Variants in ZNF14 observed in about 807,000 individuals in gnomAD.
ZNF14 encodes zinc finger protein 14.
ZNF14 carries 9 observed loss-of-function variants against 11.3 expected under a neutral mutation model. That is an observed-to-expected ratio of 0.80 (90% CI 0.48 to 1.39). The LOEUF (loss-of-function observed/expected upper bound fraction) is 1.39, where lower values mean the gene tolerates loss of function less well. ZNF14 is among the 40% of genes most tolerant of loss of function. ZNF14 has a pLI of 0.00. For synonymous variants in ZNF14, 239 were observed against 245.7 expected, an observed-to-expected ratio of 0.97 and a Z score of 0.25; for missense variants, 711 against 763.9, an observed-to-expected ratio of 0.93 and a Z score of 0.82.
chr19:19,726,698 G>A (rs1332397028), intron 1 of ZNF14, among the ~76,000 whole-genome samples: 1 of 133,838 alleles, frequency 7.5e-6, no homozygotes, highest in Admixed American at 7.3e-5. Context: ...AGTCTACAGA[G>A]GCAGGCAGGC....
intron 1 of ZNF14, among the ~76,000 whole-genome samples, chr19:19,728,493 G>A (rs55954125): frequency 0.31 from 28,401 of 92,828 alleles, 7,889 homozygotes; most frequent in Non-Finnish European, 0.4. Context: ...TCCAGACTGT[G>A]CGAAAGTGCG....
chr19:19,731,282 T>A (rs2062422406), intron 1 of ZNF14, among the ~76,000 whole-genome samples: 1 of 151,734 alleles, frequency 6.6e-6, no homozygotes, highest in Non-Finnish European at 1.5e-5. Flanking sequence ...ATCAAAAGAA[T>A]ACCCACAATC....
chr19:19,725,198 T>C (rs1039029120), intron 1 of ZNF14, among the ~76,000 whole-genome samples: 1 of 134,034 alleles, frequency 7.5e-6, no homozygotes, highest in Admixed American at 7.3e-5. Flanking sequence ...ATTTGGCATG[T>C]TTTTGCAGTG....
intron 1 of ZNF14, among the ~76,000 whole-genome samples, chr19:19,714,757 G>GT (rs2062373491): frequency 1.5e-5 from 2 of 130,362 alleles, no homozygotes; most frequent in South Asian, 4.9e-4. Flanking sequence ...TATTGCCCAG[G>GT]CTGGAGTTCA....
chr19:19,728,303 G>A (rs2062411848), intron 1 of ZNF14, among the ~76,000 whole-genome samples: 1 of 128,176 alleles, frequency 7.8e-6, no homozygotes, highest in East Asian at 2.2e-4. Flanking sequence ...GGATCACAAG[G>A]TCAGGAGTTC....
Position 19,730,190 on chromosome 19 carries a change from AT to A in ZNF14, c.3+2765del, listed in dbSNP as rs919409173. Among the ~76,000 whole-genome samples, 298 of 151,162 alleles carry A rather than the reference AT, an allele frequency of 2.0e-3. 4 individuals are homozygous for A. Among genetic ancestry groups the A allele is most frequent in the Non-Finnish European group, 1.7e-3 (115 of 67,696 alleles). Reference sequence around the variant, plus strand: ...AGGTGTGTGCCACCAGGCTCGGCTAATTTTTTTTTGTATTTTTAGTAGAGAT... The same window carrying A: ...AGGTGTGTGCCACCAGGCTCGGCTAATTTTTTTTGTATTTTTAGTAGAGAT... On this transcript the variant is annotated intron_variant, in intron 1 of 3. Transcript: ENST00000344099.
chr19:19,716,531 T>A (rs1315210820), intron 1 of ZNF14, among the ~76,000 whole-genome samples: 1 of 152,072 alleles, frequency 6.6e-6, no homozygotes, highest in Non-Finnish European at 1.5e-5. Context: ...TCAAGCGATC[T>A]GCCTGCCTCC....
intron 1 of ZNF14, among the ~76,000 whole-genome samples, chr19:19,716,617 CA>C (rs1181965265): frequency 1.3e-5 from 2 of 152,038 alleles, no homozygotes; most frequent in African/African-American, 4.8e-5. Flanking sequence ...TATCATCCAT[CA>C]AACATCACAA....
chr19:19,727,024 T>C lies in ZNF14; in HGVS notation c.3+5932A>G, dbSNP rs185123851. Among the ~76,000 whole-genome samples, 195 of 134,060 alleles carry C rather than the reference T, an allele frequency of 1.5e-3. 41 individuals are homozygous for C. Among genetic ancestry groups the C allele is most frequent in the Admixed American group, 3.5e-3 (48 of 13,688 alleles). The allele number at this position is 134,060 out of a possible 152,430, so 87.9% of individuals were successfully genotyped here. Reference sequence around the variant, plus strand: ...CTAGGAAAGGGAATTCCCCGACCCCTTGCACTTCCCAAGTGAGGCAATGCC... The same window carrying C: ...CTAGGAAAGGGAATTCCCCGACCCCCTGCACTTCCCAAGTGAGGCAATGCC... On this transcript the variant is annotated intron_variant, in intron 1 of 3. Coordinates refer to ENST00000344099, the MANE Select transcript of ZNF14 (RefSeq NM_021030.3).
intron 1 of ZNF14, among the ~76,000 whole-genome samples, chr19:19,728,689 C>T (rs2062413734): frequency 7.6e-6 from 1 of 131,664 alleles, no homozygotes; most frequent in African/African-American, 2.8e-5. Context: ...GGTACAACAC[C>T]AGACACAGCT....
At position 19,711,608 on chromosome 19, in the gene ZNF14, G is replaced by T; in HGVS notation, c.1673C>A (p.Pro558Gln). The change falls in exon 4 of 4, where the codon CCG becomes CAG. Residue 558 changes from proline to glutamine, a missense_variant. By Grantham distance (76) the Pro-to-Gln change is moderately conservative (BLOSUM62 -1). Coordinates refer to ENST00000344099, the MANE Select transcript of ZNF14 (RefSeq NM_021030.3). The stretch of plus-strand genomic sequence containing the variant: ...TTTTCCACATTGTTTACATTGATAC[G>T]GTTTCTCTCCAGTGTGAGTCCTTTC... ...LHERTHTGEKPYQCKQCGKAF... is the reference protein window; with the variant it reads ...LHERTHTGEKQYQCKQCGKAF... 1 of 1,614,040 alleles carries T rather than the reference G, an allele frequency of 6.2e-7. No individual in the cohort carries two copies. The highest frequency in any genetic ancestry group is 8.5e-7 in the Non-Finnish European group (1 of 1,179,988).
chr19:19,728,515 C>CAAAAAAA (rs56355771), intron 1 of ZNF14, among the ~76,000 whole-genome samples: 2 of 53,870 alleles, frequency 3.7e-5, no homozygotes, highest in African/African-American at 7.3e-5. Context: ...AACTCCGTCT[C>CAAAAAAA]AAAAAAAAAA....
chr19:19,725,679 C>T (rs908926565), intron 1 of ZNF14, among the ~76,000 whole-genome samples: 1 of 134,532 alleles, frequency 7.4e-6, no homozygotes, highest in Admixed American at 7.3e-5. Flanking sequence ...TGTTTTCCAA[C>T]TTGGTTCCAT....
At chr19:19,713,158 A>T (rs946793450) in intron 3 of ZNF14, 69 bp from the exon 4 acceptor site, 7 of 1,411,532 alleles carry the variant, frequency 5.0e-6, no homozygotes, top group Non-Finnish European at 6.7e-6. Flanking sequence ...AGGTATGAGA[A>T]TTACATTTTA....
chr19:19,711,750 T>G lies in ZNF14; in HGVS notation c.1531A>C (p.Thr511Pro). The stretch of plus-strand genomic sequence containing the variant: ...CGAAGGGAACTTGAAAAACTGAAGG[T>G]TTTACCGCATAGTTTACATTCATAG... ...KPYECKLCGK[T>P]FSFSSSLREH... Residue 511 changes from threonine (T) to proline (P), a missense_variant, in exon 4 of 4, where the codon ACC (threonine) becomes CCC (proline). By Grantham distance (38) the Thr-to-Pro change is conservative. Transcript: ENST00000344099. The G allele has an allele frequency of 6.2e-7, 1 of 1,612,938 alleles. No individual in the cohort carries two copies. The highest frequency in any genetic ancestry group is 8.5e-7 in the Non-Finnish European group (1 of 1,179,738).
rs748115553 is a variant in ZNF14, at chr19:19,712,967, C to G, written c.314G>C (p.Cys105Ser). 6.2e-7 allele frequency: 1 copy of G among 1,614,126 alleles called. No individual in the cohort carries two copies. Among genetic ancestry groups the G allele is most frequent in the South Asian group, 1.1e-5 (1 of 91,082 alleles). ...AATGAAGTCTCTTCCACAAAAGCTG[C>G]ATTCATGTGGTTTTGCTCCAGTAAA... ...ETFTGAKPHE[C>S]SFCGRDFIHH... Residue 105 changes from cysteine to serine, a missense_variant, in exon 4 of 4, where the codon TGC (cysteine) becomes TCC (serine). By Grantham distance (112) the Cys-to-Ser change is moderately radical (BLOSUM62 -1). Transcript: ENST00000344099.
At chr19:19,730,447 T>C in intron 1 of ZNF14, among the ~76,000 whole-genome samples, 1 of 152,230 alleles carries the variant, frequency 6.6e-6, no homozygotes, top group East Asian at 1.9e-4. Context: ...TGATGACTCA[T>C]ATAAATGACC....
At position 19,711,206 on chromosome 19, in the gene ZNF14, G is replaced by T; in HGVS notation, c.*146C>A. On this transcript the variant is annotated 3_prime_UTR_variant, in exon 4 of 4. Transcript: ENST00000344099. ...CATTCATACTGTTTCTCACCAGTGG[G>T]AATTCTTTCGTGCTCAAAAGAAACT... 1 of 828,998 alleles carries T rather than the reference G, an allele frequency of 1.2e-6. No individual in the cohort carries two copies. The allele number at this position is 828,998 out of a possible 1,614,324, so 51.4% of individuals were successfully genotyped here.
chr19:19,713,970 GA>G, intron 3 of ZNF14, 120 bp downstream of exon 3: 2 of 934,762 alleles, frequency 2.1e-6, no homozygotes, highest in Non-Finnish European at 3.3e-6. Flanking sequence ...ATGTTTTTAA[GA>G]AAACATTTTC....
Sources: gnomAD v4.1 joint callset for allele counts (sites outside exome capture counted in the v4.1 genomes callset) on GRCh38, gnomAD v4.1.1 for gene constraint, MANE v1.5 for transcripts, NCBI Gene and HGNC (gene_info 2026-07-23, HGNC 2026-07-21) for gene names.